Variants in GALNT8 observed in about 807,000 individuals in gnomAD.
GALNT8 encodes the protein probable polypeptide N-acetylgalactosaminyltransferase 8.
In GALNT8, 66 loss-of-function variants were observed where a neutral mutation model predicts 62.7. The observed-to-expected ratio is 1.05, with a 90% CI of 0.86 to 1.29. The LOEUF (loss-of-function observed/expected upper bound fraction) is 1.29, where lower values mean the gene tolerates loss of function less well. Ranked by LOEUF, GALNT8 falls within the 50% of genes most tolerant of loss-of-function variation. GALNT8 has a pLI of 0.00. For synonymous variants in GALNT8, 288 were observed against 294.3 expected, an observed-to-expected ratio of 0.98 and a Z score of 0.22; for missense variants, 771 against 791.8, an observed-to-expected ratio of 0.97 and a Z score of 0.32.
At chr12:4,761,791 C>T (rs531159889) in intron 7 of GALNT8, among the ~76,000 whole-genome samples, 4 of 152,228 alleles carry the variant, frequency 2.6e-5, no homozygotes, top group South Asian at 2.1e-4. Context: ...TGTGCTCTCT[C>T]GTGTCCCTGA....
At chr12:4,772,406 G>C in intron 10 of GALNT8, 39 bp from the exon 11 acceptor site, 1 of 1,590,016 alleles carries the variant, frequency 6.3e-7, no homozygotes. Context: ...AATTACTGAG[G>C]CATTTCAGCA....
chr12:4,746,063 G>A (rs1946297717), intron 5 of GALNT8, 81 bp from the exon 6 acceptor site: 1 of 791,820 alleles, frequency 1.3e-6, no homozygotes, highest in Non-Finnish European at 2.2e-6. Context: ...GAGTTCTGAA[G>A]CCCAAATAAT....
At position 4,726,511 on chromosome 12, in the gene GALNT8, C is replaced by A. The variant is rs1425514976; in HGVS notation, c.212-21C>A. On this transcript the variant is annotated intron_variant, in intron 1 of 10. Coordinates refer to ENST00000252318, the MANE Select transcript of GALNT8 (RefSeq NM_017417.2). This position sits in a 1 kb window ranked among gnomAD's most constrained non-coding sequence, Gnocchi z 4.1. ...GGGGCTGAAATGTTTTCTCTCCCAC[C>A]CCTGTCCTCTTCATTTGCAGAAGAA... The A allele has an allele frequency of 2.5e-6, 4 of 1,589,988 alleles. No homozygotes were observed. The highest frequency in any genetic ancestry group is 1.1e-5 in the South Asian group (1 of 88,126).
Position 4,749,446 on chromosome 12 carries a change from A to G in GALNT8, c.1173+3188A>G, listed in dbSNP as rs1338392555. On this transcript the variant is annotated intron_variant, in intron 6 of 10. Coordinates refer to ENST00000252318, the MANE Select transcript of GALNT8 (RefSeq NM_017417.2). The surrounding 1 kb of genome is among the most constrained non-coding windows in gnomAD (Gnocchi z 4.1). Reference sequence around the variant, plus strand: ...TTTTGTCTTTCATCCTGTTAATATGATGTTTCACATTGATTGATCTGCATA... The same window carrying G: ...TTTTGTCTTTCATCCTGTTAATATGGTGTTTCACATTGATTGATCTGCATA... Among the ~76,000 whole-genome samples, 1 of 152,142 alleles carries G rather than the reference A, an allele frequency of 6.6e-6. No homozygotes were observed. The highest frequency in any genetic ancestry group is 1.5e-5 in the Non-Finnish European group (1 of 68,012).
intron 1 of GALNT8, among the ~76,000 whole-genome samples, chr12:4,724,992 G>GA (rs1231029572): frequency 6.6e-6 from 1 of 152,114 alleles, no homozygotes; most frequent in African/African-American, 2.4e-5. Context: ...TGCTGACCCT[G>GA]AGTTGCAATC....
At chr12:4,766,612 G>A (rs970688022) in intron 10 of GALNT8, among the ~76,000 whole-genome samples, 3 of 152,112 alleles carry the variant, frequency 2.0e-5, no homozygotes, top group South Asian at 2.1e-4. Flanking sequence ...TGATGATGAC[G>A]CGAGGGTCTT....
At position 4,739,134 on chromosome 12, in the gene GALNT8, T is replaced by A. The variant is rs758030022; in HGVS notation, c.510-29T>A. 6.8e-6 allele frequency: 10 copies of A among 1,461,974 alleles called. No individual in the cohort carries two copies. The East Asian group carries it at 1.8e-4, about 27-fold the overall frequency. 90.6% of individuals were successfully genotyped at this position (1,461,974 alleles called of 1,614,324 possible). ...CAGTGTTGAAGTAATTAAAAAAAAATAATATGTTATAAAAATGGTCTCTTA... is the reference window on the plus strand; with the variant it reads ...CAGTGTTGAAGTAATTAAAAAAAAAAAATATGTTATAAAAATGGTCTCTTA... On this transcript the variant is annotated intron_variant, in intron 2 of 10. Coordinates refer to ENST00000252318, the MANE Select transcript of GALNT8 (RefSeq NM_017417.2).
intron 1 of GALNT8, among the ~76,000 whole-genome samples, chr12:4,725,920 A>G (rs568178413): frequency 1.3e-5 from 2 of 152,304 alleles, no homozygotes; most frequent in South Asian, 4.1e-4. Flanking sequence ...CTCCAATTTT[A>G]AAGTTCCTCG....
Position 4,763,376 on chromosome 12 carries a change from G to T in GALNT8, c.1483G>T (p.Val495Leu). The T allele has an allele frequency of 6.2e-7, 1 of 1,612,632 alleles. No individual in the cohort carries two copies. The highest frequency in any genetic ancestry group is 8.5e-7 in the Non-Finnish European group (1 of 1,178,766). Residue 495 changes from valine to leucine, a missense_variant, in exon 8 of 11, where the codon GTG becomes TTG. Val to Leu is a conservative substitution (Grantham distance 32). Coordinates refer to ENST00000252318, the MANE Select transcript of GALNT8 (RefSeq NM_017417.2). ...ACTCTTGAAGCCACTCCACACCATC[G>T]TGGGCTATGGAAGAGTATGTATTAT... ...YPLLKPLHTIVGYGRMKNLLD... is the reference protein window; with the variant it reads ...YPLLKPLHTILGYGRMKNLLD...
intron 10 of GALNT8, 115 bp from the exon 11 acceptor site, chr12:4,772,330 G>C (rs934104923): frequency 2.3e-6 from 2 of 859,902 alleles, no homozygotes; most frequent in Non-Finnish European, 3.7e-6. Context: ...GACTTGTGGA[G>C]CACTGAGGGG....
rs184353108 is a variant in GALNT8, at chr12:4,765,546, G to A, written c.1761G>A (p.Pro587=). Residue 587 remains proline (P), a splice_region_variant and synonymous_variant, in exon 10 of 11, where the codon CCG becomes CCA. Transcript: ENST00000252318. ...NRLHIYWDFK[P]GGAVINRDTK... is the part of the protein sequence containing the mutation. ...TGCATATATATTGGGATTTTAAACC[G>A]GTGAGTTATGTGTTTTTGTTTGTTG... is the stretch of plus-strand genomic sequence containing the variant. 2.4e-5 allele frequency: 39 copies of A among 1,597,706 alleles called. No individual in the cohort carries two copies. Among genetic ancestry groups the A allele is most frequent in the East Asian group, 1.6e-4 (7 of 44,730 alleles).
intron 2 of GALNT8, among the ~76,000 whole-genome samples, chr12:4,736,599 A>AG (rs1946246195): frequency 1.3e-5 from 2 of 152,254 alleles, no homozygotes; most frequent in Middle Eastern, 3.4e-3. Context: ...AGAAAAGAAA[A>AG]AAAAAAAAAA....
rs544897025 is a variant in GALNT8, at chr12:4,755,613, G to A, written c.1174-5345G>A. ...AGGTGCTTTGCTTGTGTAAATAGTG[G>A]TTAAATTTGTATCCTTGTCAGGGGG... On this transcript the variant is annotated intron_variant, in intron 6 of 10. Transcript: ENST00000252318. 1.5e-4 allele frequency among the ~76,000 whole-genome samples: 23 copies of A among 152,270 alleles called. No homozygotes were observed. In the East Asian group the frequency reaches 3.9e-3, roughly 26 times the overall value.
intron 1 of GALNT8, among the ~76,000 whole-genome samples, chr12:4,725,666 C>T (rs903059590): frequency 1.3e-5 from 2 of 151,474 alleles, no homozygotes; most frequent in Admixed American, 6.6e-5. Context: ...AGCAATTCTC[C>T]TGCCTCAGCC....
intron 2 of GALNT8, among the ~76,000 whole-genome samples, chr12:4,733,235 A>G (rs1946228402): frequency 6.6e-6 from 1 of 152,224 alleles, no homozygotes; most frequent in African/African-American, 2.4e-5. Context: ...ATCGTTATGT[A>G]TAGGATAGAT....
At chr12:4,745,961 TATG>T (rs1250096831) in intron 5 of GALNT8, among the ~76,000 whole-genome samples, 180 bp from the exon 6 acceptor site, 2 of 152,210 alleles carry the variant, frequency 1.3e-5, no homozygotes, top group African/African-American at 4.8e-5. Flanking sequence ...TGAGAAGGGT[TATG>T]ATAACGCAGT....
chr12:4,764,712 T>A (rs1003514868), intron 9 of GALNT8, among the ~76,000 whole-genome samples: 3 of 149,588 alleles, frequency 2.0e-5, no homozygotes, highest in Admixed American at 6.7e-5. Context: ...CCCGGCTAAT[T>A]TTTTGTATTT....
rs202114202 is a variant in GALNT8 at position 4,772,444 on chromosome 12, G to T, written c.1762-1G>T. ...TTGGCTCTGTCTCTCTTCCCCTCCA[G>T]GGAGGAGCTGTCATAAACAGAGATA... On this transcript the variant is annotated splice_acceptor_variant, in intron 10 of 10. Transcript: ENST00000252318. LOFTEE classifies it high-confidence loss of function. 7.8e-5 allele frequency: 126 copies of T among 1,613,084 alleles called. 2 individuals are homozygous for T. In the Admixed American group the frequency reaches 1.0e-3, roughly 13 times the overall value.
In GALNT8 at chr12:4,763,973, A is replaced by T; in HGVS notation, c.1519A>T (p.Asn507Tyr). 1 of 1,585,736 alleles carries T rather than the reference A, an allele frequency of 6.3e-7. No individual in the cohort carries two copies. The highest frequency in any genetic ancestry group is 8.7e-7 in the Non-Finnish European group (1 of 1,153,796). Residue 507 changes from asparagine (N) to tyrosine (Y), a missense_variant, in exon 9 of 11, where the codon AAT becomes TAT. Physicochemically the swap from Asn to Tyr is moderately radical, Grantham distance 143 (BLOSUM62 -2). Transcript: ENST00000252318. ...YGRMKNLLDE[N>Y]VCLDQGPVPG... ...TCAGATGAAAAACCTATTGGATGAA[A>T]ATGTCTGCTTGGATCAGGGACCCGT...
Sources: gnomAD v4.1 joint callset for allele counts (sites outside exome capture counted in the v4.1 genomes callset) on GRCh38, gnomAD v4.1.1 for gene constraint, Gnocchi (gnomAD v3.1) non-coding constraint, MANE v1.5 for transcripts, NCBI Gene and HGNC (gene_info 2026-07-23, HGNC 2026-07-21) for gene names.